Variants in CYSLTR2 observed in about 807,000 individuals in gnomAD.
CYSLTR2 encodes cysteinyl leukotriene receptor 2.
For synonymous variants in CYSLTR2, 179 were observed against 160.8 expected (o/e 1.11, Z -0.86); for missense variants, 398 against 411.9 (o/e 0.97, Z 0.29).
chr13:48,707,812 G>C lies in CYSLTR2; in HGVS notation c.995G>C (p.Cys332Ser). 6.5e-7 allele frequency: 1 copy of C among 1,547,888 alleles called. No individual in the cohort carries two copies. Among genetic ancestry groups the C allele is most frequent in the Non-Finnish European group, 8.7e-7 (1 of 1,148,604 alleles). Residue 332 changes from cysteine to serine, a missense_variant, in exon 5 of 5, where the codon TGT becomes TCT. Cys to Ser is a moderately radical substitution (Grantham distance 112). Coordinates refer to ENST00000682523, the MANE Select transcript of CYSLTR2 (RefSeq NM_001308476.3). ...CATCCACAGAAGGCAAAGACAAAGT[G>C]TGTTTTCCCTGTTAGTGTGTGGTTG... is the stretch of plus-strand genomic sequence containing the variant. ...KGHPQKAKTK[C>S]VFPVSVWLRK...
At chr13:48,659,897 C>A (rs1419856244) in intron 1 of CYSLTR2, among the ~76,000 whole-genome samples, 1 of 152,092 alleles carries the variant, frequency 6.6e-6, no homozygotes, top group Non-Finnish European at 1.5e-5. Context: ...AATTCATAAT[C>A]AGCATCATAG....
intron 4 of CYSLTR2, among the ~76,000 whole-genome samples, chr13:48,697,733 A>T (rs1192660967): frequency 6.6e-6 from 1 of 152,220 alleles, no homozygotes; most frequent in Non-Finnish European, 1.5e-5. Context: ...TTAAAGGAGG[A>T]TGTTCTAACC....
intron 4 of CYSLTR2, among the ~76,000 whole-genome samples, chr13:48,702,266 G>C (rs1481984654): frequency 2.4e-5 from 3 of 122,872 alleles, no homozygotes; most frequent in Non-Finnish European, 5.0e-5. Flanking sequence ...GTCATGGGGT[G>C]GGGGGAGGGG....
At chr13:48,688,726 A>G (rs1345771056) in intron 1 of CYSLTR2, among the ~76,000 whole-genome samples, 2 of 152,208 alleles carry the variant, frequency 1.3e-5, no homozygotes, top group Admixed American at 1.3e-4. Context: ...ATACTTGTGA[A>G]TGTGTCTTTA....
chr13:48,685,007 G>A (rs563529265), intron 1 of CYSLTR2, among the ~76,000 whole-genome samples: 7 of 152,306 alleles, frequency 4.6e-5, no homozygotes, highest in South Asian at 4.1e-4. Context: ...CAGAGCCTTC[G>A]AAGGAAGCAC....
intron 1 of CYSLTR2, among the ~76,000 whole-genome samples, chr13:48,684,399 A>T (rs1196513208): frequency 4.0e-5 from 6 of 151,550 alleles, no homozygotes; most frequent in Non-Finnish European, 5.9e-5. Flanking sequence ...TAAGGTATAA[A>T]AAGTAAACTC....
At chr13:48,689,509 G>A (rs934729613) in intron 1 of CYSLTR2, among the ~76,000 whole-genome samples, 2 of 152,132 alleles carry the variant, frequency 1.3e-5, no homozygotes, top group African/African-American at 2.4e-5. Flanking sequence ...ATTAAGTAGG[G>A]AATTCTTTCC....
rs1249357754 is a variant in CYSLTR2, at chr13:48,710,158, G to A, written c.*2300G>A. 2 of 152,242 alleles carry A rather than the reference G, an allele frequency of 1.3e-5. No individual in the cohort carries two copies. Among genetic ancestry groups the A allele is most frequent in the Non-Finnish European group, 2.9e-5 (2 of 68,070 alleles). 9.4% of individuals were successfully genotyped at this position (152,242 alleles called of 1,614,324 possible). On this transcript the variant is annotated 3_prime_UTR_variant, in exon 5 of 5. Transcript: ENST00000682523. ...TGAATATAATAGTCTCCCATTATCTGTGGTTTTGCTTTCTGCAGTTCAGTT... is the reference window on the plus strand; with the variant it reads ...TGAATATAATAGTCTCCCATTATCTATGGTTTTGCTTTCTGCAGTTCAGTT...
intron 1 of CYSLTR2, among the ~76,000 whole-genome samples, chr13:48,679,434 A>G (rs981452672): frequency 5.3e-5 from 8 of 152,314 alleles, no homozygotes; most frequent in African/African-American, 1.9e-4. Context: ...AGGGCTGAGT[A>G]TATGTGGCAC....
At chr13:48,698,102 A>T (rs1311277618) in intron 4 of CYSLTR2, among the ~76,000 whole-genome samples, 3 of 152,224 alleles carry the variant, frequency 2.0e-5, no homozygotes, top group Non-Finnish European at 2.9e-5. Flanking sequence ...ACTCTTCAGG[A>T]TATTATCCAG....
chr13:48,688,399 C>T (rs144849178), intron 1 of CYSLTR2, among the ~76,000 whole-genome samples: 2 of 152,130 alleles, frequency 1.3e-5, no homozygotes, highest in South Asian at 2.1e-4. Context: ...TAAGGCTATC[C>T]GTCCTCTAGC....
chr13:48,682,338 T>C (rs1293479475), intron 1 of CYSLTR2, among the ~76,000 whole-genome samples: 4 of 152,168 alleles, frequency 2.6e-5, no homozygotes, highest in African/African-American at 9.7e-5. Flanking sequence ...GTTAAGACAC[T>C]CTCTCCAAGC....
chr13:48,699,144 G>A lies in CYSLTR2; in HGVS notation c.-2+2518G>A, dbSNP rs145354702. On this transcript the variant is annotated intron_variant, in intron 4 of 4. Transcript: ENST00000682523. ...AGAAAGTTAACCAGGATATCCAGGA[G>A]TTGAACTCAGCTCTGCGCAAAGTGA... Among the ~76,000 whole-genome samples, 669 of 152,252 alleles carry A rather than the reference G, an allele frequency of 4.4e-3. 3 individuals carry two copies. Among genetic ancestry groups the A allele is most frequent in the Middle Eastern group, 0.014 (4 of 294 alleles).
At chr13:48,685,520 C>G (rs555260184) in intron 1 of CYSLTR2, among the ~76,000 whole-genome samples, 11 of 152,198 alleles carry the variant, frequency 7.2e-5, no homozygotes, top group African/African-American at 1.9e-4. Flanking sequence ...TTTAAGCTAC[C>G]CTGTTTGTGA....
intron 1 of CYSLTR2, among the ~76,000 whole-genome samples, chr13:48,670,374 T>C (rs1220450501): frequency 6.6e-6 from 1 of 152,248 alleles, no homozygotes; most frequent in Non-Finnish European, 1.5e-5. Flanking sequence ...CTGAATGATA[T>C]AGCCTAGGTT....
At chr13:48,687,525 T>TATCTATCAATTATCTATC in intron 1 of CYSLTR2, among the ~76,000 whole-genome samples, 1 of 152,262 alleles carries the variant, frequency 6.6e-6, no homozygotes, top group South Asian at 2.1e-4. Flanking sequence ...AATCATCTAT[T>TATCTATCAATTATCTATC]ATCTATCAAT....
In CYSLTR2 at chr13:48,710,275, T is replaced by C. The variant is rs1954603884; in HGVS notation, c.*2417T>C. Reference sequence around the variant, plus strand: ...TGCTGTTTTGAGTAGCATGTTGAAATCTCGCACTATCACCCTCCACCCATG... The same window carrying C: ...TGCTGTTTTGAGTAGCATGTTGAAACCTCGCACTATCACCCTCCACCCATG... On this transcript the variant is annotated 3_prime_UTR_variant, in exon 5 of 5. Coordinates refer to ENST00000682523, the MANE Select transcript of CYSLTR2 (RefSeq NM_001308476.3). The C allele has an allele frequency of 1.3e-5, 2 of 152,172 alleles. No homozygotes were observed. Among genetic ancestry groups the C allele is most frequent in the Non-Finnish European group, 2.9e-5 (2 of 68,034 alleles). 9.4% of individuals were successfully genotyped at this position (152,172 alleles called of 1,614,324 possible).
chr13:48,659,457 A>T (rs1953075789), intron 1 of CYSLTR2, among the ~76,000 whole-genome samples: 1 of 152,212 alleles, frequency 6.6e-6, no homozygotes, highest in Admixed American at 6.5e-5. Context: ...TCATTTTAGG[A>T]AATACACATG....
chr13:48,677,118 G>T (rs1239735824), intron 1 of CYSLTR2, among the ~76,000 whole-genome samples: 1 of 152,146 alleles, frequency 6.6e-6, no homozygotes, highest in Non-Finnish European at 1.5e-5. Context: ...TGAGGCCTCA[G>T]GGCTACAGAA....
Sources: allele counts gnomAD v4.1 joint callset (sites outside exome capture counted in the v4.1 genomes callset), GRCh38; gene constraint gnomAD v4.1.1; transcripts MANE v1.5; gene names NCBI Gene and HGNC (gene_info 2026-07-23, HGNC 2026-07-21).